The following FER variants were observed in gnomAD, a reference collection of about 807,000 sequenced individuals.
FER encodes tyrosine-protein kinase Fer.
In FER, 63 loss-of-function variants were observed where a neutral mutation model predicts 111.0. The ratio of observed to expected loss-of-function variants is 0.57; its 90% CI spans 0.46 to 0.70. The LOEUF is 0.70. Ranked by LOEUF, FER falls within the 30% of genes least tolerant of loss-of-function variation. The pLI, the probability that FER is intolerant of heterozygous loss-of-function variation, is 0.00. For synonymous variants in FER, 327 were observed against 313.9 expected (o/e 1.04, Z -0.44); for missense variants, 914 against 954.0 (o/e 0.96, Z 0.55).
chr5:108,824,962 A>C (rs372135535), intron 3 of FER, among the ~76,000 whole-genome samples: 2 of 152,240 alleles, frequency 1.3e-5, no homozygotes, highest in African/African-American at 4.8e-5. Context: ...AGCCACAAAA[A>C]CCAGCAAGTT....
chr5:108,815,763 G>T (rs1423795891), intron 3 of FER, among the ~76,000 whole-genome samples: 1 of 152,052 alleles, frequency 6.6e-6, no homozygotes, highest in Non-Finnish European at 1.5e-5. Flanking sequence ...AAAAAGTAAT[G>T]AAAAATGCTT....
chr5:108,964,953 G>A (rs1399334632), intron 13 of FER, among the ~76,000 whole-genome samples: 4 of 151,724 alleles, frequency 2.6e-5, no homozygotes, highest in Non-Finnish European at 4.4e-5. Context: ...GCTGTGTGTC[G>A]AACATTTGAA....
chr5:109,095,723 T>A (rs986189298), intron 16 of FER, among the ~76,000 whole-genome samples: 8 of 152,022 alleles, frequency 5.3e-5, no homozygotes, highest in Admixed American at 2.0e-4. Context: ...TTCTCATCAC[T>A]GCTGGTTAAA....
chr5:109,053,894 T>C (rs12188194), intron 16 of FER, among the ~76,000 whole-genome samples: 1,813 of 152,134 alleles, frequency 0.012, 19 homozygotes, highest in Non-Finnish European at 0.02. Context: ...GGTTTCACCA[T>C]GTTAGCCAGG....
chr5:108,968,869 T>C (rs1203717498), intron 13 of FER, among the ~76,000 whole-genome samples: 1 of 152,066 alleles, frequency 6.6e-6, no homozygotes, highest in African/African-American at 2.4e-5. Context: ...AATAAAAATA[T>C]TGGCAATGGA....
At chr5:108,772,305 C>CAT (rs1434824271) in intron 2 of FER, among the ~76,000 whole-genome samples, 7 of 146,704 alleles carry the variant, frequency 4.8e-5, no homozygotes, top group East Asian at 1.9e-4. Context: ...CCTGTTATGC[C>CAT]ATATATATAT....
intron 17 of FER, among the ~76,000 whole-genome samples, chr5:109,136,116 C>T (rs576399873): frequency 3.1e-4 from 47 of 151,796 alleles, no homozygotes; most frequent in Admixed American, 3.9e-4. Context: ...AGTAGTCGAG[C>T]GTAGTGGCAC....
chr5:108,964,549 T>A (rs1056905637), intron 13 of FER, among the ~76,000 whole-genome samples: 1 of 151,944 alleles, frequency 6.6e-6, no homozygotes. Flanking sequence ...ACTACAGAGG[T>A]TAGTATGGCT....
chr5:108,980,039 A>G (rs73211567), intron 13 of FER, among the ~76,000 whole-genome samples: 10,310 of 152,204 alleles, frequency 0.068, 838 homozygotes, highest in African/African-American at 0.19. Flanking sequence ...CTAAATTACA[A>G]AACTTTTGTT....
chr5:109,048,752 T>G (rs73213516), intron 16 of FER, among the ~76,000 whole-genome samples: 3,568 of 152,232 alleles, frequency 0.023, 124 homozygotes, highest in African/African-American at 0.082. Flanking sequence ...TTGCAGTTTT[T>G]AAATTTTTTT....
intron 17 of FER, among the ~76,000 whole-genome samples, chr5:109,110,531 C>A (rs1052693637): frequency 2.6e-5 from 4 of 152,098 alleles, no homozygotes; most frequent in Non-Finnish European, 5.9e-5. Flanking sequence ...TCATAAAGTT[C>A]TTGTAAGCCA....
rs144416101 is a variant in FER, at chr5:109,007,356, T to C, written c.1657-30066T>C. Among the ~76,000 whole-genome samples the C allele has an allele frequency of 2.3e-3, 344 of 152,312 alleles. 3 individuals are homozygous for C. The highest frequency in any genetic ancestry group is 0.02 in the Middle Eastern group (6 of 294). ...CATAGAGAAGTGAAAATTAATTCTT[T>C]TTAGCATATAGTTCTGATAAGTTTA... On this transcript the variant is annotated intron_variant, in intron 13 of 19. Coordinates refer to ENST00000281092, the MANE Select transcript of FER (RefSeq NM_005246.4).
At chr5:108,916,448 C>T (rs976432473) in intron 10 of FER, among the ~76,000 whole-genome samples, 1 of 152,062 alleles carries the variant, frequency 6.6e-6, no homozygotes, top group African/African-American at 2.4e-5. Context: ...GGGTACCCCC[C>T]CGACCCCCTG....
At chr5:108,893,079 T>C (rs1748416414) in intron 9 of FER, among the ~76,000 whole-genome samples, 1 of 152,192 alleles carries the variant, frequency 6.6e-6, no homozygotes, top group African/African-American at 2.4e-5. Context: ...AGCCTTGTAG[T>C]ATAGTTTGAA....
At chr5:109,056,929 A>G (rs940259084) in intron 16 of FER, among the ~76,000 whole-genome samples, 4 of 152,122 alleles carry the variant, frequency 2.6e-5, no homozygotes, top group Non-Finnish European at 4.4e-5. Flanking sequence ...TTGCATTTCC[A>G]TATTAATTTT....
At chr5:108,953,981 A>T (rs1229109850) in intron 11 of FER, among the ~76,000 whole-genome samples, 1 of 152,276 alleles carries the variant, frequency 6.6e-6, no homozygotes, top group African/African-American at 2.4e-5. Flanking sequence ...AAATACAATC[A>T]TCTCTTAAAT....
At chr5:108,929,498 A>G (rs1754259958) in intron 10 of FER, among the ~76,000 whole-genome samples, 1 of 152,158 alleles carries the variant, frequency 6.6e-6, no homozygotes, top group Admixed American at 6.5e-5. Context: ...TATCTGTTGC[A>G]TTATTTCACC....
chr5:108,766,496 T>C (rs779162884), intron 1 of FER, among the ~76,000 whole-genome samples: 3 of 152,234 alleles, frequency 2.0e-5, no homozygotes, highest in Non-Finnish European at 4.4e-5. Context: ...ATTAACACTT[T>C]AATTACATAT....
intron 2 of FER, among the ~76,000 whole-genome samples, chr5:108,787,381 AGTTTGGG>A (rs1754862438): frequency 6.6e-6 from 1 of 152,134 alleles, no homozygotes; most frequent in African/African-American, 2.4e-5. Flanking sequence ...TGGGACAGTC[AGTTTGGG>A]TGCCGTGGAT....
Sources: gnomAD v4.1 joint callset for allele counts (sites outside exome capture counted in the v4.1 genomes callset) on GRCh38, gnomAD v4.1.1 for gene constraint, MANE v1.5 for transcripts, NCBI Gene and HGNC (gene_info 2026-07-23, HGNC 2026-07-21) for gene names.